Variants in ATE1 observed in about 807,000 individuals in gnomAD.
The protein encoded by ATE1 is arginyltransferase 1.
A neutral mutation model predicts 70.5 loss-of-function variants in ATE1; 36 were observed. The observed-to-expected ratio is 0.51, with a 90% confidence interval of 0.39 to 0.67. The LOEUF (loss-of-function observed/expected upper bound fraction) is 0.67, where lower values mean the gene tolerates loss of function less well. Ranked by LOEUF, ATE1 falls within the 30% of genes least tolerant of loss-of-function variation. The pLI is 0.00. For missense variants in ATE1, 593 were observed against 629.5 expected, an observed-to-expected ratio of 0.94 and a Z score of 0.62; for synonymous variants, 232 against 219.3, an observed-to-expected ratio of 1.06 and a Z score of -0.51.
rs911587954 is a variant in ATE1, at chr10:121,746,622, C to T, written c.1379-2764G>A. On this transcript the variant is annotated intron_variant, in intron 11 of 11. Coordinates refer to ENST00000224652, the MANE Select transcript of ATE1 (RefSeq NM_001001976.3). ...ATATCTAGTTCTCAAAGCCCAAAGC[C>T]CAAAGCCAATGATCAACTTTTCACA... Among the ~76,000 whole-genome samples the T allele has an allele frequency of 5.9e-5, 9 of 152,164 alleles. No homozygotes were observed. The East Asian group carries it at 7.7e-4, about 13-fold the overall frequency.
At chr10:121,876,736 G>A (rs1950061595) in intron 7 of ATE1, among the ~76,000 whole-genome samples, 1 of 152,126 alleles carries the variant, frequency 6.6e-6, no homozygotes, top group South Asian at 2.1e-4. Flanking sequence ...GGAGGCCGAG[G>A]CGGGCGGATC....
intron 7 of ATE1, among the ~76,000 whole-genome samples, chr10:121,883,228 G>T (rs11200213): frequency 6.6e-6 from 1 of 151,918 alleles, no homozygotes; most frequent in African/African-American, 2.4e-5. Context: ...GATGTATTAT[G>T]CTTATTGTTT....
intron 7 of ATE1, among the ~76,000 whole-genome samples, chr10:121,880,527 T>C (rs1309924854): frequency 6.6e-6 from 1 of 151,206 alleles, no homozygotes; most frequent in Non-Finnish European, 1.5e-5. Flanking sequence ...TTTGAGCTAT[T>C]TCTGGAATAA....
intron 11 of ATE1, among the ~76,000 whole-genome samples, chr10:121,755,383 T>C (rs1014353867): frequency 7.9e-5 from 12 of 152,090 alleles, no homozygotes; most frequent in African/African-American, 2.4e-4. Flanking sequence ...TAGAAAAAAA[T>C]ACAGAGTAAA....
chr10:121,816,949 C>G (rs1209250399), intron 10 of ATE1, among the ~76,000 whole-genome samples: 1 of 152,160 alleles, frequency 6.6e-6, no homozygotes, highest in Non-Finnish European at 1.5e-5. Context: ...TGAAAAGAAT[C>G]TGAAGAAAGT....
At chr10:121,915,270 T>C (rs1951601942) in intron 3 of ATE1, among the ~76,000 whole-genome samples, 1 of 151,942 alleles carries the variant, frequency 6.6e-6, no homozygotes, top group Non-Finnish European at 1.5e-5. Context: ...AGTAAAAATA[T>C]GACAGGAGAA....
At chr10:121,921,133 T>C (rs11200261) in intron 3 of ATE1, among the ~76,000 whole-genome samples, 20,071 of 151,988 alleles carry the variant, frequency 0.13, 1,525 homozygotes, top group East Asian at 0.19. Context: ...CCTGGATATA[T>C]TGCATGATGC....
At chr10:121,794,749 T>C (rs1946595781) in intron 10 of ATE1, among the ~76,000 whole-genome samples, 1 of 144,100 alleles carries the variant, frequency 6.9e-6, no homozygotes, top group African/African-American at 2.6e-5. Flanking sequence ...TTTTCTAATA[T>C]AAGGTGGAAC....
At chr10:121,886,134 T>A (rs1378258508) in intron 7 of ATE1, among the ~76,000 whole-genome samples, 4 of 152,066 alleles carry the variant, frequency 2.6e-5, no homozygotes, top group Admixed American at 6.6e-5. Context: ...TTCACATAAG[T>A]GATACTCAAC....
intron 5 of ATE1, among the ~76,000 whole-genome samples, chr10:121,904,960 A>C (rs1467779995): frequency 4.6e-5 from 7 of 152,168 alleles, no homozygotes; most frequent in Non-Finnish European, 8.8e-5. Context: ...GTAACAAAAG[A>C]CCATTTCTAT....
intron 7 of ATE1, among the ~76,000 whole-genome samples, chr10:121,881,698 A>T (rs902942642): frequency 2.0e-5 from 3 of 151,508 alleles, no homozygotes; most frequent in Admixed American, 6.6e-5. Context: ...AGGAAAGAAA[A>T]TCACAAATAA....
At chr10:121,824,899 T>C in intron 10 of ATE1, among the ~76,000 whole-genome samples, 1 of 151,760 alleles carries the variant, frequency 6.6e-6, no homozygotes, top group East Asian at 1.9e-4. Context: ...AGAACTAAGC[T>C]TTGCATGCAA....
intron 4 of ATE1, 115 bp from the exon 5 acceptor site, chr10:121,911,266 A>G: frequency 7.7e-7 from 1 of 1,300,940 alleles, no homozygotes; most frequent in Admixed American, 2.4e-5. Flanking sequence ...TCTGTCCACC[A>G]AATCCATTCT....
chr10:121,858,876 ATC>A (rs1949360826), intron 8 of ATE1, among the ~76,000 whole-genome samples: 1 of 151,876 alleles, frequency 6.6e-6, no homozygotes, highest in Non-Finnish European at 1.5e-5. Context: ...CGGGCAGATC[ATC>A]TGAGGTCGGG....
intron 7 of ATE1, among the ~76,000 whole-genome samples, chr10:121,873,630 A>G (rs147210015): frequency 1.1e-3 from 171 of 151,754 alleles, no homozygotes; most frequent in African/African-American, 3.9e-3. Context: ...AAGAAAATAC[A>G]CTGCTAATTT....
chr10:121,858,130 T>C (rs923568221), intron 8 of ATE1, among the ~76,000 whole-genome samples: 1 of 152,236 alleles, frequency 6.6e-6, no homozygotes, highest in Non-Finnish European at 1.5e-5. Context: ...CTACTGTGAA[T>C]GATGCTGCTC....
chr10:121,744,610 C>T (rs936398691), intron 11 of ATE1, among the ~76,000 whole-genome samples: 2 of 152,206 alleles, frequency 1.3e-5, no homozygotes, highest in Non-Finnish European at 2.9e-5. Context: ...TTGTGAATTA[C>T]TAGGTATGGA....
At chr10:121,791,455 T>C (rs1297667251) in intron 10 of ATE1, among the ~76,000 whole-genome samples, 1 of 152,112 alleles carries the variant, frequency 6.6e-6, no homozygotes, top group African/African-American at 2.4e-5. Flanking sequence ...ATACAATAGA[T>C]GCTAAAGAAA....
intron 7 of ATE1, among the ~76,000 whole-genome samples, chr10:121,878,192 A>T (rs1199392709): frequency 6.6e-6 from 1 of 152,224 alleles, no homozygotes; most frequent in Non-Finnish European, 1.5e-5. Flanking sequence ...AAGGGTAGTT[A>T]ACCTCTGGGT....
Sources: gnomAD v4.1 joint callset for allele counts (sites outside exome capture counted in the v4.1 genomes callset) on GRCh38, gnomAD v4.1.1 for gene constraint, MANE v1.5 for transcripts, NCBI Gene and HGNC (gene_info 2026-07-23, HGNC 2026-07-21) for gene names.